Variants in HIKESHI observed in about 807,000 individuals in gnomAD.
HIKESHI encodes the protein protein Hikeshi.
HIKESHI carries 13 observed loss-of-function variants against 25.7 expected under a neutral mutation model. The ratio of observed to expected loss-of-function variants is 0.51; its 90% CI spans 0.33 to 0.80. The LOEUF is 0.80. Ranked by LOEUF, HIKESHI falls within the 30% of genes least tolerant of loss-of-function variation. HIKESHI has a pLI of 0.02. For synonymous variants in HIKESHI, 76 were observed against 78.7 expected, an observed-to-expected ratio of 0.97 and a Z score of 0.18; for missense variants, 174 against 229.5, an observed-to-expected ratio of 0.76 and a Z score of 1.56.
intron 3 of HIKESHI, among the ~76,000 whole-genome samples, chr11:86,338,043 A>T (rs1465160056): frequency 1.3e-5 from 2 of 152,176 alleles, no homozygotes; most frequent in African/African-American, 4.8e-5. Context: ...AACAGTTAAG[A>T]TCTGATCTCT....
chr11:86,326,022 G>A (rs1947272857), intron 2 of HIKESHI, among the ~76,000 whole-genome samples: 1 of 152,166 alleles, frequency 6.6e-6, no homozygotes, highest in Non-Finnish European at 1.5e-5. Flanking sequence ...TTCAGGCCAG[G>A]CACCGTGGCT....
At chr11:86,326,535 C>T (rs1947286741) in intron 2 of HIKESHI, 2 of 456,050 alleles carry the variant, frequency 4.4e-6, no homozygotes, top group Non-Finnish European at 4.4e-6. Flanking sequence ...CATCTACTTG[C>T]TGCCTACTTT....
In HIKESHI at chr11:86,305,495, T is replaced by C. The variant is rs180799897; in HGVS notation, c.31-750T>C. Reference sequence around the variant, plus strand: ...TCTACCTCCTGGGTTCAAGTGATTCTCCTACCTTAGCCTCCCGAGTACCTG... The same window carrying C: ...TCTACCTCCTGGGTTCAAGTGATTCCCCTACCTTAGCCTCCCGAGTACCTG... On this transcript the variant is annotated intron_variant, in intron 1 of 4. Coordinates refer to ENST00000278483, the MANE Select transcript of HIKESHI (RefSeq NM_016401.4). 1.8e-3 allele frequency among the ~76,000 whole-genome samples: 273 copies of C among 152,186 alleles called. 1 individual carries two copies. Among genetic ancestry groups the C allele is most frequent in the African/African-American group, 6.5e-3 (268 of 41,522 alleles).
At position 86,306,389 on chromosome 11, in the gene HIKESHI, C is replaced by T. The variant is rs1461231531; in HGVS notation, c.175C>T (p.Pro59Ser). 1 of 1,613,962 alleles carries T rather than the reference C, an allele frequency of 6.2e-7. No homozygotes were observed. The highest frequency in any genetic ancestry group is 2.2e-5 in the East Asian group (1 of 44,858). The change falls in exon 2 of 5, where the codon CCT becomes TCT. Residue 59 changes from proline to serine, a missense_variant. By Grantham distance (74) the Pro-to-Ser change is moderately conservative. Transcript: ENST00000278483. The part of the protein sequence containing the change: ...GMGGSVYFSY[P>S]DSNGMPVWQL... ...GGGAGGATCTGTCTACTTTTCTTAT[C>T]CTGATTCAAATGGAATGCCAGTATG...
chr11:86,342,617 G>C (rs1470554121), intron 3 of HIKESHI, among the ~76,000 whole-genome samples: 2 of 151,606 alleles, frequency 1.3e-5, no homozygotes, highest in Non-Finnish European at 2.9e-5. Flanking sequence ...AAAGCCTTAA[G>C]GTTTACTTTT....
chr11:86,343,027 T>C (rs970455679), intron 3 of HIKESHI, among the ~76,000 whole-genome samples: 1 of 152,198 alleles, frequency 6.6e-6, no homozygotes, highest in Non-Finnish European at 1.5e-5. Context: ...TTGGGGAGAA[T>C]TGGCCACCTT....
intron 2 of HIKESHI, among the ~76,000 whole-genome samples, chr11:86,333,557 CA>C (rs111979847): frequency 3.2e-4 from 46 of 144,590 alleles, no homozygotes; most frequent in Admixed American, 4.1e-4. Flanking sequence ...AACAAACAAA[CA>C]AAAAAAAAAA....
intron 4 of HIKESHI, 148 bp downstream of exon 4, chr11:86,344,869 A>T (rs975016534): frequency 9.4e-6 from 5 of 534,064 alleles, no homozygotes; most frequent in Non-Finnish European, 1.3e-5. Flanking sequence ...TACTATAGAG[A>T]TCTGATGAGA....
intron 2 of HIKESHI, chr11:86,326,433 C>T (rs984343635): frequency 6.2e-5 from 28 of 452,704 alleles, no homozygotes; most frequent in Admixed American, 1.4e-4. Context: ...AAGTTACTTT[C>T]GGCCTTTCTG....
At chr11:86,310,075 T>C (rs932346965) in intron 2 of HIKESHI, among the ~76,000 whole-genome samples, 1 of 148,408 alleles carries the variant, frequency 6.7e-6, no homozygotes, top group African/African-American at 2.5e-5. Flanking sequence ...ATATGAACTT[T>C]AAAGTAGTTT....
intron 2 of HIKESHI, among the ~76,000 whole-genome samples, chr11:86,331,977 C>CTTGTCT (rs1565737723): frequency 2.9e-5 from 4 of 137,472 alleles, no homozygotes; most frequent in African/African-American, 2.8e-5. Context: ...TAACTGTTTT[C>CTTGTCT]TTTTCTTTTT....
chr11:86,335,279 G>A (rs764536760), intron 2 of HIKESHI, among the ~76,000 whole-genome samples: 4 of 152,158 alleles, frequency 2.6e-5, no homozygotes, highest in Non-Finnish European at 4.4e-5. Flanking sequence ...TATCTACCTT[G>A]GGGGTGTTTG....
chr11:86,332,765 G>A (rs1272383937), intron 2 of HIKESHI, among the ~76,000 whole-genome samples: 1 of 152,178 alleles, frequency 6.6e-6, no homozygotes, highest in African/African-American at 2.4e-5. Flanking sequence ...TGATCTCTGT[G>A]GCATATTATT....
At chr11:86,329,475 C>A (rs1397204410) in intron 2 of HIKESHI, among the ~76,000 whole-genome samples, 1 of 151,878 alleles carries the variant, frequency 6.6e-6, no homozygotes, top group Admixed American at 6.6e-5. Flanking sequence ...TGTTAAAGTC[C>A]CTAATTAGCT....
At chr11:86,326,242 G>A (rs757389480) in intron 2 of HIKESHI, among the ~76,000 whole-genome samples, 14 of 152,154 alleles carry the variant, frequency 9.2e-5, no homozygotes, top group Non-Finnish European at 1.9e-4. Flanking sequence ...AGGTTGCAGT[G>A]AGCCAAGATC....
At chr11:86,304,749 C>T (rs1946577033) in intron 1 of HIKESHI, among the ~76,000 whole-genome samples, 1 of 152,158 alleles carries the variant, frequency 6.6e-6, no homozygotes. Context: ...CTCCTGACCT[C>T]AGGTGATCAA....
At position 86,306,391 on chromosome 11, in the gene HIKESHI, T is replaced by G; in HGVS notation, c.177T>G (p.Pro59=). The G allele has an allele frequency of 6.2e-7, 1 of 1,614,060 alleles. No individual in the cohort carries two copies. The highest frequency in any genetic ancestry group is 8.5e-7 in the Non-Finnish European group (1 of 1,179,890). Residue 59 remains proline (P), a synonymous_variant, in exon 2 of 5, where the codon CCT becomes CCG. Transcript: ENST00000278483. ...GAGGATCTGTCTACTTTTCTTATCC[T>G]GATTCAAATGGAATGCCAGTATGGC... ...GMGGSVYFSY[P]DSNGMPVWQL...
chr11:86,308,302 T>A, intron 2 of HIKESHI, among the ~76,000 whole-genome samples: 1 of 96,922 alleles, frequency 1.0e-5, no homozygotes, highest in African/African-American at 4.4e-5. Flanking sequence ...ACATATAATA[T>A]ATATTATATA....
At chr11:86,308,865 C>T (rs1341640955) in intron 2 of HIKESHI, among the ~76,000 whole-genome samples, 1 of 151,976 alleles carries the variant, frequency 6.6e-6, no homozygotes, top group Non-Finnish European at 1.5e-5. Flanking sequence ...TGATGGTTTC[C>T]AGCTTCATCC....
Sources: gnomAD v4.1 joint callset for allele counts (sites outside exome capture counted in the v4.1 genomes callset) on GRCh38, gnomAD v4.1.1 for gene constraint, MANE v1.5 for transcripts, NCBI Gene and HGNC (gene_info 2026-07-23, HGNC 2026-07-21) for gene names.